The following PHACTR2 variants were observed in gnomAD, a reference collection of about 807,000 sequenced individuals.
The protein encoded by PHACTR2 is chromosome 6 open reading frame 56.
A neutral mutation model predicts 76.0 loss-of-function variants in PHACTR2; 30 were observed. That is an observed-to-expected ratio of 0.39 (90% CI 0.30 to 0.54). The LOEUF (loss-of-function observed/expected upper bound fraction) is 0.54, where lower values mean the gene tolerates loss of function less well. Ranked by LOEUF, PHACTR2 falls within the 20% of genes least tolerant of loss-of-function variation. The pLI, the probability that PHACTR2 is intolerant of heterozygous loss-of-function variation, is 0.61. For synonymous variants in PHACTR2, 292 were observed against 292.5 expected, an observed-to-expected ratio of 1.00 and a Z score of 0.02; for missense variants, 696 against 781.1, an observed-to-expected ratio of 0.89 and a Z score of 1.30.
At position 143,739,860 on chromosome 6, in the gene PHACTR2, G is replaced by A. The variant is rs554331203; in HGVS notation, c.215-9125G>A. ...ATCACCTCTTCCCTCCTCCCACCTC[G>A]GTCTTATCTGTGACCTCCTACTACC... On this transcript the variant is annotated intron_variant, in intron 2 of 12. Transcript: ENST00000440869. This position sits in a 1 kb window ranked among gnomAD's most constrained non-coding sequence, Gnocchi z 4.3. Among the ~76,000 whole-genome samples the A allele has an allele frequency of 6.6e-6, 1 of 151,986 alleles. No individual in the cohort carries two copies. The highest frequency in any genetic ancestry group is 1.5e-5 in the Non-Finnish European group (1 of 68,008).
intron 1 of PHACTR2, among the ~76,000 whole-genome samples, chr6:143,642,059 T>C (rs1031818381): frequency 6.6e-6 from 1 of 152,224 alleles, no homozygotes; most frequent in Non-Finnish European, 1.5e-5. Context: ...TCTTTAATAA[T>C]ACCAGATCCT....
intron 1 of PHACTR2, among the ~76,000 whole-genome samples, chr6:143,704,581 A>G (rs1004237627): frequency 2.0e-5 from 3 of 152,224 alleles, no homozygotes; most frequent in African/African-American, 7.2e-5. Flanking sequence ...AGCTGAAAAA[A>G]TGGTACAGAG....
At chr6:143,691,645 A>G (rs960844874) in intron 1 of PHACTR2, among the ~76,000 whole-genome samples, 1 of 152,222 alleles carries the variant, frequency 6.6e-6, no homozygotes. Context: ...AAGACCACAG[A>G]ATTTCAACTC....
chr6:143,630,677 T>C (rs902028665), intron 1 of PHACTR2, among the ~76,000 whole-genome samples: 19 of 152,226 alleles, frequency 1.2e-4, no homozygotes, highest in South Asian at 2.1e-4. Flanking sequence ...CTTTGTTTAA[T>C]TGAAACTGAA....
At chr6:143,804,347 GGCA>G (rs1776022107) in intron 11 of PHACTR2, among the ~76,000 whole-genome samples, 3 of 151,992 alleles carry the variant, frequency 2.0e-5, no homozygotes, top group Non-Finnish European at 4.4e-5. Flanking sequence ...TTTTTTACAT[GGCA>G]GCTGGCTTTA....
rs569501139 is a variant in PHACTR2, at chr6:143,775,025, A to G, written c.1589+810A>G. Among the ~76,000 whole-genome samples the G allele has an allele frequency of 3.3e-5, 5 of 152,334 alleles. No homozygotes were observed. Among genetic ancestry groups the G allele is most frequent in the African/African-American group, 1.2e-4 (5 of 41,578 alleles). ...ACAACAGGGTGCATAACTGGGAGAA[A>G]GGAACTGTCTAGAATCCCAGAGCAG... On this transcript the variant is annotated intron_variant, in intron 8 of 12. Transcript: ENST00000440869. The surrounding 1 kb of genome is among the most constrained non-coding windows in gnomAD (Gnocchi z 4.4).
chr6:143,649,097 C>T (rs1776711396), intron 1 of PHACTR2, among the ~76,000 whole-genome samples: 1 of 152,118 alleles, frequency 6.6e-6, no homozygotes, highest in Admixed American at 6.6e-5. Flanking sequence ...TTTTGCCTTT[C>T]CACATGGCTT....
At chr6:143,569,409 C>T (rs894651077) in intron 1 of PHACTR2, among the ~76,000 whole-genome samples, 2 of 152,140 alleles carry the variant, frequency 1.3e-5, no homozygotes, top group Non-Finnish European at 2.9e-5. Context: ...ATTGAGAAAT[C>T]CATTTTTGTG....
chr6:143,674,766 C>T (rs138334218), upstream of PHACTR2, among the ~76,000 whole-genome samples: 16 of 152,306 alleles, frequency 1.1e-4, no homozygotes, highest in East Asian at 3.1e-3. The surrounding 1 kb of genome is among the most constrained non-coding windows in gnomAD (Gnocchi z 4.9). Context: ...CTTCTTCCTG[C>T]TCCAGGCTAG....
At position 143,695,941 on chromosome 6, in the gene PHACTR2, A is replaced by G. The variant is rs1238941066; in HGVS notation, c.47-16075A>G. Among the ~76,000 whole-genome samples, 1 of 152,252 alleles carries G rather than the reference A, an allele frequency of 6.6e-6. No individual in the cohort carries two copies. The highest frequency in any genetic ancestry group is 1.5e-5 in the Non-Finnish European group (1 of 68,050). On this transcript the variant is annotated intron_variant, in intron 1 of 12. Coordinates refer to ENST00000440869, the MANE Select transcript of PHACTR2 (RefSeq NM_001100164.2). This position sits in a 1 kb window ranked among gnomAD's most constrained non-coding sequence, Gnocchi z 4.4. ...ATTTGTATCTGACTAAATAGCGCCT[A>G]ATCAGTTTCACCTTGATTTACTAAG...
chr6:143,567,444 G>A (rs1775379237), intron 1 of PHACTR2, among the ~76,000 whole-genome samples: 1 of 151,890 alleles, frequency 6.6e-6, no homozygotes, highest in African/African-American at 2.4e-5. Flanking sequence ...TGTCATCCAG[G>A]CTGGAGTGCA....
rs1332837155 is a variant in PHACTR2, at chr6:143,689,452, C to A, written c.46+11243C>A. On this transcript the variant is annotated intron_variant, in intron 1 of 12. Coordinates refer to ENST00000440869, the MANE Select transcript of PHACTR2 (RefSeq NM_001100164.2). The surrounding 1 kb of genome is among the most constrained non-coding windows in gnomAD (Gnocchi z 4.4). ...AGTAGTGGGAACTGAGTAGAAAGTT[C>A]AGGGGCATCTAAGAAATGTGGAGTT... Among the ~76,000 whole-genome samples the A allele has an allele frequency of 6.6e-6, 1 of 152,126 alleles. No homozygotes were observed. The highest frequency in any genetic ancestry group is 2.4e-5 in the African/African-American group (1 of 41,408).
chr6:143,796,963 C>T (rs1402326362), intron 11 of PHACTR2, among the ~76,000 whole-genome samples: 1 of 152,176 alleles, frequency 6.6e-6, no homozygotes, highest in Non-Finnish European at 1.5e-5. Context: ...ATTTCTAGTT[C>T]TAGATCCTTG....
intron 1 of PHACTR2, among the ~76,000 whole-genome samples, chr6:143,699,560 G>T (rs1777852324): frequency 6.6e-6 from 1 of 152,124 alleles, no homozygotes; most frequent in Admixed American, 6.5e-5. Flanking sequence ...TCTTGCTAGA[G>T]TGCCAGTAAT....
rs938572367 is a variant in PHACTR2 at position 143,537,127 on chromosome 6, G to C, written c.137G>C (p.Ser46Thr). ...CTGCGCTGGCTTCCCGGGGACCCGA[G>C]CCCCCGCGGCCGCTCACAGAGCGAC... is the stretch of plus-strand genomic sequence containing the variant. The change falls in exon 1 of 12, where the codon AGC becomes ACC. Residue 46 changes from serine (S) to threonine (T), a missense_variant. Transcript: ENST00000367584. This position sits in a 1 kb window ranked among gnomAD's most constrained non-coding sequence, Gnocchi z 4.4. The C allele has an allele frequency of 1.6e-5, 5 of 312,966 alleles. No homozygotes were observed. Among genetic ancestry groups the C allele is most frequent in the Non-Finnish European group, 3.1e-5 (5 of 160,514 alleles). The allele number at this position is 312,966 out of a possible 1,614,324, so 19.4% of individuals were successfully genotyped here. A position where few individuals can be genotyped will look rare whatever the true frequency, so the allele number is the denominator to read the frequency against.
rs7760178 is a variant in PHACTR2 at position 143,679,719 on chromosome 6, A to C, written c.46+1510A>C. On this transcript the variant is annotated intron_variant, in intron 1 of 12. Transcript: ENST00000440869. This position sits in a 1 kb window ranked among gnomAD's most constrained non-coding sequence, Gnocchi z 4.6. ...AAGGAATATTATATAAATGATGTCT[A>C]AGAAGCAAATAAAATCCTAAAGTGA... Among the ~76,000 whole-genome samples the C allele has an allele frequency of 0.39, 59,540 of 151,990 alleles. 12,058 individuals are homozygous for C. The highest frequency in any genetic ancestry group is 0.54 in the South Asian group (2,604 of 4,822).
At chr6:143,644,589 T>G (rs576404768) in intron 1 of PHACTR2, among the ~76,000 whole-genome samples, 1 of 152,006 alleles carries the variant, frequency 6.6e-6, no homozygotes, top group Admixed American at 6.5e-5. Context: ...TTTAGCATAA[T>G]TCATTGACTC....
Position 143,548,518 on chromosome 6 carries a change from G to A in PHACTR2, c.217+11311G>A, listed in dbSNP as rs910386925. 2.6e-5 allele frequency among the ~76,000 whole-genome samples: 4 copies of A among 152,052 alleles called. No homozygotes were observed. Among genetic ancestry groups the A allele is most frequent in the Admixed American group, 2.6e-4 (4 of 15,244 alleles). On this transcript the variant is annotated intron_variant, in intron 1 of 11. Coordinates refer to the PHACTR2 transcript ENST00000367584. This position sits in a 1 kb window ranked among gnomAD's most constrained non-coding sequence, Gnocchi z 4.5. Reference sequence around the variant, plus strand: ...TGTCTTCTGTTAAAGCTAGCAGAGAGGGCTTCCCTTGGAATCCAATTCCAC... The same window carrying A: ...TGTCTTCTGTTAAAGCTAGCAGAGAAGGCTTCCCTTGGAATCCAATTCCAC...
At chr6:143,703,260 T>G (rs1484098016) in intron 1 of PHACTR2, among the ~76,000 whole-genome samples, 2 of 152,006 alleles carry the variant, frequency 1.3e-5, no homozygotes, top group East Asian at 3.8e-4. Flanking sequence ...GGTATTGATT[T>G]GGAAGAAGCA....
Sources: allele counts gnomAD v4.1 joint callset (sites outside exome capture counted in the v4.1 genomes callset), GRCh38; gene constraint gnomAD v4.1.1; non-coding constraint Gnocchi (gnomAD v3.1); transcripts MANE v1.5; gene names NCBI Gene and HGNC (gene_info 2026-07-23, HGNC 2026-07-21).